The following LARGE1 variants were observed in gnomAD, a reference collection of about 807,000 sequenced individuals.
The protein encoded by LARGE1 is xylosyl- and glucuronyltransferase LARGE1.
In LARGE1, 43 loss-of-function variants were observed where a neutral mutation model predicts 87.6. The observed-to-expected ratio is 0.49, with a 90% CI of 0.38 to 0.63. The LOEUF is 0.63. LARGE1 is among the 30% of genes least tolerant of loss of function. The pLI, the probability that LARGE1 is intolerant of heterozygous loss-of-function variation, is 0.00. For missense variants in LARGE1, 802 were observed against 1,000.2 expected (o/e 0.80, Z 2.67); for synonymous variants, 434 against 394.6 (o/e 1.10, Z -1.18).
chr22:33,491,790 T>C (rs918424643), intron 6 of LARGE1, among the ~76,000 whole-genome samples: 2 of 152,176 alleles, frequency 1.3e-5, no homozygotes, highest in Admixed American at 6.5e-5. Flanking sequence ...TATTGCATAG[T>C]TGAAACAAAA....
At chr22:33,395,153 C>T (rs1436269411) in intron 7 of LARGE1, among the ~76,000 whole-genome samples, 3 of 145,304 alleles carry the variant, frequency 2.1e-5, no homozygotes, top group Admixed American at 7.0e-5. Flanking sequence ...GGTGTGAACC[C>T]CGGAGGCGGA....
intron 6 of LARGE1, among the ~76,000 whole-genome samples, chr22:33,474,082 T>A (rs753784535): frequency 1.3e-5 from 2 of 152,242 alleles, no homozygotes; most frequent in Non-Finnish European, 2.9e-5. Context: ...TCAAGGTTAC[T>A]AAATCTGGAT....
chr22:33,709,949 T>C (rs533543308), intron 2 of LARGE1, among the ~76,000 whole-genome samples: 3 of 148,600 alleles, frequency 2.0e-5, no homozygotes, highest in East Asian at 4.0e-4. Context: ...TTTGATGTAC[T>C]TTCCTCTCTC....
chr22:33,186,427 A>T (rs1209697863), intron 11 of LARGE1, among the ~76,000 whole-genome samples: 1 of 152,198 alleles, frequency 6.6e-6, no homozygotes, highest in Non-Finnish European at 1.5e-5. Flanking sequence ...TAGCAAAAGT[A>T]TATGACACAA....
chr22:33,187,591 T>C (rs1923542546), intron 11 of LARGE1, among the ~76,000 whole-genome samples: 1 of 152,116 alleles, frequency 6.6e-6, no homozygotes, highest in Middle Eastern at 3.4e-3. Context: ...ACATGGTGAC[T>C]ATAATTAATA....
At chr22:33,853,266 A>G (rs558609640) in intron 1 of LARGE1, among the ~76,000 whole-genome samples, 1 of 152,330 alleles carries the variant, frequency 6.6e-6, no homozygotes, top group East Asian at 1.9e-4. Context: ...TGAACAGGAT[A>G]TAAGAGCATT....
intron 3 of LARGE1, among the ~76,000 whole-genome samples, chr22:33,631,308 T>C (rs751585650): frequency 1.3e-5 from 2 of 152,196 alleles, no homozygotes; most frequent in African/African-American, 4.8e-5. Context: ...GCTGGGACTA[T>C]AATTGCACAC....
intron 11 of LARGE1, among the ~76,000 whole-genome samples, chr22:33,207,301 G>A (rs1187638441): frequency 6.6e-6 from 1 of 152,190 alleles, no homozygotes; most frequent in Non-Finnish European, 1.5e-5. Context: ...TGAAAGCAAG[G>A]ATTATGGGTA....
chr22:33,434,907 A>G (rs2067211359), intron 6 of LARGE1, among the ~76,000 whole-genome samples: 1 of 152,156 alleles, frequency 6.6e-6, no homozygotes. Context: ...TTTTATGAAT[A>G]AGCCCAAGTC....
intron 6 of LARGE1, among the ~76,000 whole-genome samples, chr22:33,434,059 G>C (rs1316062316): frequency 6.6e-6 from 1 of 152,176 alleles, no homozygotes; most frequent in African/African-American, 2.4e-5. Context: ...CACCAATTCA[G>C]GGAGTATAAG....
the LARGE1 span, among the ~76,000 whole-genome samples, chr22:33,104,066 G>C: frequency 2.0e-5 from 3 of 152,138 alleles, no homozygotes; most frequent in Non-Finnish European, 4.4e-5. Context: ...TTTATCAGCA[G>C]AGTGAAAACA....
intron 2 of LARGE1, among the ~76,000 whole-genome samples, chr22:33,686,205 G>A (rs183290595): frequency 2.0e-5 from 3 of 152,126 alleles, no homozygotes; most frequent in Non-Finnish European, 2.9e-5. Flanking sequence ...ACAGCTGACC[G>A]GGCCCTGAGA....
intron 12 of LARGE1, among the ~76,000 whole-genome samples, chr22:33,291,025 C>T (rs1323632792): frequency 1.3e-5 from 2 of 150,170 alleles, no homozygotes; most frequent in Non-Finnish European, 3.0e-5. Context: ...GGCAACAGAG[C>T]GAGACTCCAT....
At chr22:33,280,313 C>T (rs1213446315) in intron 13 of LARGE1, among the ~76,000 whole-genome samples, 1 of 108,746 alleles carries the variant, frequency 9.2e-6, no homozygotes, top group Non-Finnish European at 1.8e-5. Flanking sequence ...ATGGTAACTC[C>T]TCAAAAAAAA....
At chr22:33,243,355 T>A (rs953484443) in intron 11 of LARGE1, among the ~76,000 whole-genome samples, 9 of 152,332 alleles carry the variant, frequency 5.9e-5, no homozygotes, top group Admixed American at 1.3e-4. Context: ...ACATTTTTTA[T>A]CACCTCAGAA....
intron 1 of LARGE1, among the ~76,000 whole-genome samples, chr22:33,808,621 T>G (rs2086390653): frequency 6.6e-6 from 1 of 152,176 alleles, no homozygotes; most frequent in African/African-American, 2.4e-5. Flanking sequence ...AGCCCCGTAT[T>G]CCCCTGCCCT....
intron 2 of LARGE1, among the ~76,000 whole-genome samples, chr22:33,660,907 A>G (rs1458357262): frequency 1.3e-5 from 2 of 152,218 alleles, no homozygotes; most frequent in Non-Finnish European, 2.9e-5. Flanking sequence ...ATTTGATATG[A>G]AATATTCATA....
chr22:33,092,912 T>C, the LARGE1 span, among the ~76,000 whole-genome samples: 1 of 152,290 alleles, frequency 6.6e-6, no homozygotes, highest in South Asian at 2.1e-4. Context: ...TTTGCTATTG[T>C]GAATAGTGCT....
intron 2 of LARGE1, among the ~76,000 whole-genome samples, chr22:33,697,512 C>G (rs1279678702): frequency 1.4e-5 from 2 of 141,598 alleles, no homozygotes; most frequent in South Asian, 2.2e-4. Context: ...CTGACCAACA[C>G]TGCACTCCAG....
Sources: gnomAD v4.1 joint callset for allele counts (sites outside exome capture counted in the v4.1 genomes callset) on GRCh38, gnomAD v4.1.1 for gene constraint, MANE v1.5 for transcripts, NCBI Gene and HGNC (gene_info 2026-07-23, HGNC 2026-07-21) for gene names.